NEO1: variants seen among roughly 807,000 people sequenced by gnomAD.
The protein encoded by NEO1 is neogenin.
Under a neutral mutation model 159.7 loss-of-function variants are expected in NEO1, and 63 were observed. That is an observed-to-expected ratio of 0.39 (90% CI 0.32 to 0.49). NEO1 has a LOEUF of 0.49. NEO1 is among the 20% of genes least tolerant of loss of function. The pLI is 0.85. For missense variants in NEO1, 1,615 were observed against 1,831.0 expected, an observed-to-expected ratio of 0.88 and a Z score of 2.15; for synonymous variants, 633 against 662.0, an observed-to-expected ratio of 0.96 and a Z score of 0.67.
At chr15:73,279,672 G>A (rs1344131015) in intron 22 of NEO1, among the ~76,000 whole-genome samples, 1 of 152,122 alleles carries the variant, frequency 6.6e-6, no homozygotes, top group African/African-American at 2.4e-5. Context: ...TTTTAAAGAT[G>A]CAGGCTCTAT....
At chr15:73,234,644 A>G (rs746116250) in intron 7 of NEO1, among the ~76,000 whole-genome samples, 1 of 152,210 alleles carries the variant, frequency 6.6e-6, no homozygotes, top group Non-Finnish European at 1.5e-5. Flanking sequence ...CACTTGCTTT[A>G]GTGAAGCATG....
intron 4 of NEO1, among the ~76,000 whole-genome samples, chr15:73,132,650 A>G (rs1314809076): frequency 6.6e-6 from 1 of 152,176 alleles, no homozygotes; most frequent in Non-Finnish European, 1.5e-5. Context: ...ACAAAGGACT[A>G]ATATCCAGAA....
At chr15:73,142,119 G>A (rs1303909284) in intron 5 of NEO1, among the ~76,000 whole-genome samples, 1 of 152,044 alleles carries the variant, frequency 6.6e-6, no homozygotes, top group Admixed American at 6.6e-5. Flanking sequence ...CCAGCATAAA[G>A]CACTTTTATT....
upstream of NEO1, chr15:73,051,833 A>AGGTTTCCTCCCGGAGGCCTTTC (rs2067449353): frequency 6.6e-6 from 1 of 152,252 alleles, no homozygotes; most frequent in Admixed American, 6.5e-5. Context: ...CTGCGCACCC[A>AGGTTTCCTCCCGGAGGCCTTTC]GGTTTCCTCC....
chr15:73,275,374 G>T (rs7178454), intron 21 of NEO1, among the ~76,000 whole-genome samples: 1 of 152,236 alleles, frequency 6.6e-6, no homozygotes, highest in Admixed American at 6.5e-5. Flanking sequence ...CTTAGGCCAC[G>T]TACGGTGGCT....
chr15:73,293,443 C>T lies in NEO1; in HGVS notation c.3796C>T (p.His1266Tyr). ...HSLDNPHHHF[H>Y]SSSLASPARS... ...CCTCGATAACCCTCACCATCATTTC[C>T]ACTCCAGCAGCCTCGCTTCTCCAGC... Residue 1266 changes from histidine (H) to tyrosine (Y), a missense_variant, in exon 26 of 29, where the codon CAC becomes TAC. Around this residue, in one of 3 missense-constraint regions of NEO1, gnomAD observed 471 missense variants for 498.9 expected, o/e 0.94. Coordinates refer to ENST00000261908, the MANE Select transcript of NEO1 (RefSeq NM_002499.4). 1 of 1,614,214 alleles carries T rather than the reference C, an allele frequency of 6.2e-7. No individual in the cohort carries two copies. The highest frequency in any genetic ancestry group is 1.1e-5 in the South Asian group (1 of 91,084).
intron 27 of NEO1, among the ~76,000 whole-genome samples, chr15:73,300,358 T>A (rs1259548115): frequency 2.0e-5 from 3 of 152,246 alleles, no homozygotes; most frequent in Non-Finnish European, 4.4e-5. Flanking sequence ...CCAGTTTGTC[T>A]GTCTTTGAAC....
At chr15:73,237,199 C>T (rs565774891) in intron 8 of NEO1, among the ~76,000 whole-genome samples, 8 of 152,262 alleles carry the variant, frequency 5.3e-5, no homozygotes, top group African/African-American at 1.7e-4. Flanking sequence ...CCTTCTTGGC[C>T]CAGGTTAAGC....
intron 20 of NEO1, among the ~76,000 whole-genome samples, chr15:73,274,328 T>C (rs2041305939): frequency 6.6e-6 from 1 of 151,904 alleles, no homozygotes; most frequent in South Asian, 2.1e-4. Context: ...AGAGAAAGAG[T>C]AGTGTGTTCT....
At chr15:73,205,696 T>A (rs2037173351) in intron 7 of NEO1, among the ~76,000 whole-genome samples, 1 of 152,212 alleles carries the variant, frequency 6.6e-6, no homozygotes, top group Non-Finnish European at 1.5e-5. Context: ...TCTTGGTTGC[T>A]GTATGTCTCT....
In NEO1 at chr15:73,187,604, G is replaced by C. The variant is rs578114368; in HGVS notation, c.1291+9177G>C. On this transcript the variant is annotated intron_variant, in intron 7 of 28. Transcript: ENST00000261908. ...GTCTCTGTTTACATTGCTCACCTCT[G>C]CTATTATAAGTTTGAAAACCACCAC... Among the ~76,000 whole-genome samples the C allele has an allele frequency of 1.2e-4, 19 of 152,250 alleles. No homozygotes were observed. The South Asian group carries it at 3.7e-3, about 30-fold the overall frequency.
intron 7 of NEO1, among the ~76,000 whole-genome samples, chr15:73,231,417 G>C (rs2038903673): frequency 6.6e-6 from 1 of 152,080 alleles, no homozygotes; most frequent in Non-Finnish European, 1.5e-5. Flanking sequence ...TTTGTCTGGG[G>C]CCTGCTTCCT....
At position 73,234,697 on chromosome 15, in the gene NEO1, T is replaced by G. The variant is rs114410563; in HGVS notation, c.1292-1650T>G. On this transcript the variant is annotated intron_variant, in intron 7 of 28. Transcript: ENST00000261908. Reference sequence around the variant, plus strand: ...AAAACTGCATTATCTTACATTCTTATAACAATCTGCACTCTTAAAAGCACT... The same window carrying G: ...AAAACTGCATTATCTTACATTCTTAGAACAATCTGCACTCTTAAAAGCACT... 9.7e-3 allele frequency among the ~76,000 whole-genome samples: 1,472 copies of G among 152,180 alleles called. 31 individuals carry two copies. The highest frequency in any genetic ancestry group is 0.034 in the African/African-American group (1,402 of 41,496).
chr15:73,262,859 T>TG (rs2040687877), intron 15 of NEO1, among the ~76,000 whole-genome samples: 4 of 152,210 alleles, frequency 2.6e-5, no homozygotes, highest in Admixed American at 2.6e-4. Flanking sequence ...GATATATCCA[T>TG]GGAGTACTAC....
intron 5 of NEO1, among the ~76,000 whole-genome samples, chr15:73,144,093 T>A (rs992023195): frequency 6.6e-6 from 1 of 152,240 alleles, no homozygotes; most frequent in African/African-American, 2.4e-5. Flanking sequence ...TTACTATTCA[T>A]GTTTTCCTTT....
At chr15:73,128,337 A>G (rs36045491) in intron 4 of NEO1, among the ~76,000 whole-genome samples, 13,254 of 152,036 alleles carry the variant, frequency 0.087, 667 homozygotes, top group South Asian at 0.11. Context: ...GCTACAAGTT[A>G]GAACAAAATC....
intron 27 of NEO1, among the ~76,000 whole-genome samples, chr15:73,299,018 A>T (rs1372119215): frequency 1.3e-5 from 2 of 152,172 alleles, no homozygotes; most frequent in Non-Finnish European, 2.9e-5. Flanking sequence ...GGGTGGTGAA[A>T]GCAGAAGTAA....
At chr15:73,254,654 C>G (rs1338686843) in intron 12 of NEO1, 28 bp from the exon 13 acceptor site, 1 of 1,558,098 alleles carries the variant, frequency 6.4e-7, no homozygotes, top group Non-Finnish European at 8.6e-7. Context: ...TATATTCAGC[C>G]TTTTTTCTAT....
intron 1 of NEO1, among the ~76,000 whole-genome samples, chr15:73,114,439 T>G (rs2071182824): frequency 6.6e-6 from 1 of 152,194 alleles, no homozygotes; most frequent in African/African-American, 2.4e-5. Flanking sequence ...TACAAAACGA[T>G]ATACAGAAAT....
Sources: allele counts gnomAD v4.1 joint callset (sites outside exome capture counted in the v4.1 genomes callset), GRCh38; gene constraint gnomAD v4.1.1; regional missense constraint gnomAD v4.1.1; transcripts MANE v1.5; gene names NCBI Gene and HGNC (gene_info 2026-07-23, HGNC 2026-07-21).